The following POLR3K variants were observed in gnomAD, a reference collection of about 807,000 sequenced individuals.
The protein encoded by POLR3K is RNA polymerase III subunit K.
Under a neutral mutation model 13.5 loss-of-function variants are expected in POLR3K, and 11 were observed. The ratio of observed to expected loss-of-function variants is 0.81; its 90% CI spans 0.51 to 1.35. POLR3K has a LOEUF of 1.35. Ranked by LOEUF, POLR3K falls within the 40% of genes most tolerant of loss-of-function variation. The pLI is 0.00. For missense variants in POLR3K, 144 were observed against 145.3 expected (o/e 0.99, Z 0.05); for synonymous variants, 56 against 51.5 (o/e 1.09, Z -0.38).
At chr16:51,476 C>T in intron 2 of POLR3K, 82 bp downstream of exon 2, 3 of 1,047,436 alleles carry the variant, frequency 2.9e-6, no homozygotes, top group Non-Finnish European at 4.4e-6. Context: ...ATTTATATGA[C>T]ATCATAGACT....
chr16:48,170 A>G (rs76200579), intron 2 of POLR3K, among the ~76,000 whole-genome samples: 23,753 of 151,728 alleles, frequency 0.16, 2,083 homozygotes, highest in Middle Eastern at 0.27. Flanking sequence ...GATTACAGGC[A>G]TGAGCCACCG....
At chr16:47,588 T>G (rs757444706) in intron 2 of POLR3K, 31 bp from the exon 3 acceptor site, 2 of 1,604,688 alleles carry the variant, frequency 1.2e-6, no homozygotes, top group Non-Finnish European at 1.7e-6. Context: ...GTGACCACAT[T>G]TAAAAAAAGA....
chr16:49,446 G>C (rs1897311459), intron 2 of POLR3K, among the ~76,000 whole-genome samples: 1 of 151,426 alleles, frequency 6.6e-6, no homozygotes, highest in Non-Finnish European at 1.5e-5. Flanking sequence ...TCCTACACCT[G>C]ACAGAAATGG....
At chr16:47,750 G>A (rs796505447) in intron 2 of POLR3K, among the ~76,000 whole-genome samples, 193 bp from the exon 3 acceptor site, 36 of 148,920 alleles carry the variant, frequency 2.4e-4, no homozygotes, top group African/African-American at 8.4e-4. Context: ...GCGTGGTGGC[G>A]GGCGCCTTTA....
At chr16:51,304 CAAGG>C (rs147964160) in intron 2 of POLR3K, among the ~76,000 whole-genome samples, 26,559 of 152,084 alleles carry the variant, frequency 0.17, 2,548 homozygotes, top group Middle Eastern at 0.29. Flanking sequence ...TCAAGAGACC[CAAGG>C]AAGGTCCTAC....
At chr16:50,502 G>A (rs1897322268) in intron 2 of POLR3K, among the ~76,000 whole-genome samples, 2 of 152,130 alleles carry the variant, frequency 1.3e-5, no homozygotes, top group Admixed American at 1.3e-4. Context: ...ACCTGAGACT[G>A]GGTAATTTAT....
In POLR3K at chr16:47,160, A is replaced by C. The variant is rs1030288467; in HGVS notation, c.*270T>G. On this transcript the variant is annotated 3_prime_UTR_variant, in exon 3 of 3. Coordinates refer to ENST00000293860, the MANE Select transcript of POLR3K (RefSeq NM_016310.5). The stretch of plus-strand genomic sequence containing the variant: ...GAATGTCAACTGCCAATAAAGTGGA[A>C]GATGAAAGAATAGGACTTTACACAG... The C allele has an allele frequency of 4.6e-5, 10 of 219,700 alleles. No homozygotes were observed. Among genetic ancestry groups the C allele is most frequent in the Middle Eastern group, 1.4e-3 (1 of 708 alleles). 13.6% of individuals were successfully genotyped at this position (219,700 alleles called of 1,614,324 possible).
At chr16:53,365 G>T in intron 1 of POLR3K, 111 bp downstream of exon 1, 1 of 1,451,500 alleles carries the variant, frequency 6.9e-7, no homozygotes, top group East Asian at 2.6e-5. Flanking sequence ...AGGGGCGCGA[G>T]AAAGAGCGGA....
chr16:47,307 A>T lies in POLR3K; in HGVS notation c.*123T>A. ...TCCTGACCCCCTGGCTCTTCACCTC[A>T]AAAGGTTTATCTTTCCACCACACTA... On this transcript the variant is annotated 3_prime_UTR_variant, in exon 3 of 3. Transcript: ENST00000293860. 1 of 1,330,508 alleles carries T rather than the reference A, an allele frequency of 7.5e-7. No homozygotes were observed. The highest frequency in any genetic ancestry group is 1.0e-6 in the Non-Finnish European group (1 of 991,676). 82.4% of individuals were successfully genotyped at this position (1,330,508 alleles called of 1,614,324 possible).
intron 1 of POLR3K, 31 bp downstream of exon 1, chr16:53,445 C>T: frequency 7.0e-7 from 1 of 1,429,020 alleles, no homozygotes; most frequent in East Asian, 2.6e-5. Flanking sequence ...GCGAGAGTCG[C>T]CCGCGCCCAG....
chr16:52,777 AAAAAAAAAAAAAAAAAAACAAT>A (rs1567150850), intron 1 of POLR3K, among the ~76,000 whole-genome samples: 1 of 23,676 alleles, frequency 4.2e-5, no homozygotes, highest in African/African-American at 1.7e-4. Context: ...AAAAAAAAAA[AAAAAAAAAAAAAAAAAAACAAT>A]AAAAAAAAAT....
chr16:49,111 C>T (rs994535163), intron 2 of POLR3K, among the ~76,000 whole-genome samples: 7 of 151,384 alleles, frequency 4.6e-5, no homozygotes, highest in Admixed American at 1.3e-4. Context: ...AGAGATCGTG[C>T]CACTACACTC....
chr16:53,265 C>A, intron 1 of POLR3K: 1 of 968,798 alleles, frequency 1.0e-6, no homozygotes, highest in Non-Finnish European at 1.4e-6. Context: ...AGGGCGCGAG[C>A]GTGGGAGCAG....
Position 47,340 on chromosome 16 carries a change from C to A in POLR3K, c.*90G>T, listed in dbSNP as rs1897292406. ...TATCTTTCCACCACACTAGCAAAGA[C>A]CCTCAGGACACACAACTCATACTGC... On this transcript the variant is annotated 3_prime_UTR_variant, in exon 3 of 3. Coordinates refer to ENST00000293860, the MANE Select transcript of POLR3K (RefSeq NM_016310.5). 5 of 1,489,622 alleles carry A rather than the reference C, an allele frequency of 3.4e-6. No homozygotes were observed. The highest frequency in any genetic ancestry group is 3.9e-5 in the Admixed American group (2 of 51,528). The allele number at this position is 1,489,622 out of a possible 1,614,324, so 92.3% of individuals were successfully genotyped here.
At position 47,435 on chromosome 16, in the gene POLR3K, C is replaced by A. The variant is rs1288202550; in HGVS notation, c.322G>T (p.Asp108Tyr). 6.2e-6 allele frequency: 10 copies of A among 1,612,634 alleles called. No individual in the cohort carries two copies. In the East Asian group the frequency reaches 2.2e-4, roughly 36 times the overall value. Reference protein sequence around the residue: ...CNAQCGHRWRD With the variant: ...CNAQCGHRWRY ...GCAGCTGGGCCATCCTGGCCCTAAT[C>A]CCTCCAGCGGTGTCCACACTGAGCA... The change falls in exon 3 of 3, where the codon GAT (aspartate) becomes TAT (tyrosine). Residue 108 changes from aspartate to tyrosine, a missense_variant. Coordinates refer to ENST00000293860, the MANE Select transcript of POLR3K (RefSeq NM_016310.5).
chr16:48,199 T>C (rs1402918890), intron 2 of POLR3K, among the ~76,000 whole-genome samples: 1 of 151,872 alleles, frequency 6.6e-6, no homozygotes, highest in Non-Finnish European at 1.5e-5. Flanking sequence ...CTACTTAATA[T>C]CTTTAAAGAT....
intron 1 of POLR3K, 69 bp downstream of exon 1, chr16:53,407 A>G: frequency 6.6e-7 from 1 of 1,525,658 alleles, no homozygotes; most frequent in Non-Finnish European, 8.8e-7. Flanking sequence ...GCGGCGATGG[A>G]GCAGCAGTCG....
At chr16:49,647 T>G (rs1211631435) in intron 2 of POLR3K, among the ~76,000 whole-genome samples, 1 of 151,142 alleles carries the variant, frequency 6.6e-6, no homozygotes, top group African/African-American at 2.4e-5. Flanking sequence ...TTTGTTTTTT[T>G]TTTTTTTTTG....
chr16:52,424 G>C, intron 1 of POLR3K, among the ~76,000 whole-genome samples: 1 of 127,206 alleles, frequency 7.9e-6, no homozygotes, highest in African/African-American at 3.0e-5. Context: ...TCCAGCCTGG[G>C]AAACAGAGCG....
Sources: gnomAD v4.1 joint callset for allele counts (sites outside exome capture counted in the v4.1 genomes callset) on GRCh38, gnomAD v4.1.1 for gene constraint, MANE v1.5 for transcripts, NCBI Gene and HGNC (gene_info 2026-07-23, HGNC 2026-07-21) for gene names.